The following EDAR variants were observed in gnomAD, a reference collection of about 807,000 sequenced individuals.
EDAR encodes ectodysplasin A receptor.
Under a neutral mutation model 51.3 loss-of-function variants are expected in EDAR, and 38 were observed. The ratio of observed to expected loss-of-function variants is 0.74; its 90% confidence interval spans 0.57 to 0.97. EDAR has a LOEUF of 0.97. EDAR is among the 50% of genes least tolerant of loss of function. The pLI is 0.00. For synonymous variants in EDAR, 227 were observed against 242.1 expected, an observed-to-expected ratio of 0.94 and a Z score of 0.58; for missense variants, 528 against 595.0, an observed-to-expected ratio of 0.89 and a Z score of 1.17.
intron 1 of EDAR, among the ~76,000 whole-genome samples, chr2:108,941,398 A>G (rs937642178): frequency 3.3e-5 from 5 of 152,084 alleles, no homozygotes; most frequent in African/African-American, 1.2e-4. Flanking sequence ...GCCAGAGGAG[A>G]GTCCTGGTAG....
chr2:108,912,669 C>T lies in EDAR; in HGVS notation c.529+9G>A. ...CTCCAGGTGATCGATACCTGAGCAC[C>T]CTCCTCACCTTTGTGGGCGTGCTGG... On this transcript the variant is annotated intron_variant, in intron 6 of 11. Coordinates refer to ENST00000258443, the MANE Select transcript of EDAR (RefSeq NM_022336.4). 6.3e-7 allele frequency: 1 copy of T among 1,580,728 alleles called. No homozygotes were observed. The highest frequency in any genetic ancestry group is 8.6e-7 in the Non-Finnish European group (1 of 1,162,886).
At chr2:108,910,753 T>C (rs1204293595) in intron 8 of EDAR, 23 bp downstream of exon 8, 6 of 1,611,860 alleles carry the variant, frequency 3.7e-6, no homozygotes, top group Non-Finnish European at 4.2e-6. Flanking sequence ...GCACATGGTG[T>C]GTGGAAGCCC....
In EDAR at chr2:108,907,865, C is replaced by A; in HGVS notation, c.958G>T (p.Ala320Ser). The A allele has an allele frequency of 6.2e-7, 1 of 1,613,542 alleles. No individual in the cohort carries two copies. Among genetic ancestry groups the A allele is most frequent in the Non-Finnish European group, 8.5e-7 (1 of 1,180,016 alleles). Residue 320 changes from alanine to serine, a missense_variant, in exon 10 of 12, where the codon GCC (alanine) becomes TCC (serine). Coordinates refer to ENST00000258443, the MANE Select transcript of EDAR (RefSeq NM_022336.4). The part of the protein sequence containing the change: ...REKSATSNKS[A>S]GIQSRRKKIL... ...GGCACCTGCAGGAGCCTCACCCCGGCTGACTTGTTGCTGGTGGCAGACTTC... is the reference window on the plus strand; with the variant it reads ...GGCACCTGCAGGAGCCTCACCCCGGATGACTTGTTGCTGGTGGCAGACTTC...
chr2:108,896,567 C>A lies in EDAR; in HGVS notation c.*340G>T, dbSNP rs1374994642. 2 of 269,412 alleles carry A rather than the reference C, an allele frequency of 7.4e-6. No homozygotes were observed. The highest frequency in any genetic ancestry group is 1.4e-5 in the Non-Finnish European group (2 of 139,872). The allele number at this position is 269,412 out of a possible 1,614,324, so 16.7% of individuals were successfully genotyped here. ...AAGACAGGGACCAGATTCTTCACTT[C>A]TGTCATTCCCACGGGGTTTGATTCA... On this transcript the variant is annotated 3_prime_UTR_variant, in exon 12 of 12. Coordinates refer to ENST00000258443, the MANE Select transcript of EDAR (RefSeq NM_022336.4).
intron 1 of EDAR, among the ~76,000 whole-genome samples, chr2:108,975,076 G>A (rs1473834415): frequency 6.6e-6 from 1 of 152,198 alleles, no homozygotes; most frequent in African/African-American, 2.4e-5. Flanking sequence ...CTTTTCCACG[G>A]AGCCTAGCCC....
intron 11 of EDAR, among the ~76,000 whole-genome samples, chr2:108,900,890 A>G (rs1235638227): frequency 6.6e-6 from 1 of 152,196 alleles, no homozygotes; most frequent in South Asian, 2.1e-4. Flanking sequence ...GAGCTCCAAA[A>G]TATGTGAAAC....
chr2:108,912,818 A>AG lies in EDAR; in HGVS notation c.443-55_443-54insC. 4.2e-6 allele frequency: 6 copies of AG among 1,430,084 alleles called. No homozygotes were observed. In the South Asian group the frequency reaches 7.3e-5, roughly 17 times the overall value. The allele number at this position is 1,430,084 out of a possible 1,614,324, so 88.6% of individuals were successfully genotyped here. Reference sequence around the variant, plus strand: ...ATCCAGAGAAGCTCCACCTTCAAAGACGCTGCCACAGAGCTCATGGATCTG... The same window carrying AG: ...ATCCAGAGAAGCTCCACCTTCAAAGAGCGCTGCCACAGAGCTCATGGATCTG... On this transcript the variant is annotated intron_variant, in intron 5 of 11. Coordinates refer to ENST00000258443, the MANE Select transcript of EDAR (RefSeq NM_022336.4).
At chr2:108,953,740 A>T (rs1337748822) in intron 1 of EDAR, among the ~76,000 whole-genome samples, 1 of 152,128 alleles carries the variant, frequency 6.6e-6, no homozygotes. Flanking sequence ...GTGGCGATGG[A>T]AACAATAAAG....
At chr2:108,952,679 T>C (rs895518385) in intron 1 of EDAR, among the ~76,000 whole-genome samples, 8 of 152,256 alleles carry the variant, frequency 5.3e-5, no homozygotes, top group African/African-American at 1.9e-4. Context: ...CTTAGTTAAT[T>C]CCAACATCCG....
intron 1 of EDAR, among the ~76,000 whole-genome samples, chr2:108,960,374 G>C (rs1411030847): frequency 6.6e-6 from 1 of 152,200 alleles, no homozygotes; most frequent in Admixed American, 6.5e-5. Flanking sequence ...TTCTCAAGAC[G>C]CTCTTGCTGA....
intron 1 of EDAR, among the ~76,000 whole-genome samples, chr2:108,978,218 CTCA>C (rs1171296152): frequency 6.6e-6 from 1 of 152,174 alleles, no homozygotes; most frequent in African/African-American, 2.4e-5. Flanking sequence ...CTTTTAGGAA[CTCA>C]TCATTGGTCT....
chr2:108,988,615 CA>C (rs1698538709), intron 1 of EDAR, among the ~76,000 whole-genome samples: 1 of 152,148 alleles, frequency 6.6e-6, no homozygotes, highest in Admixed American at 6.5e-5. Flanking sequence ...GAGCCGGGCA[CA>C]GGGGCAAACC....
intron 1 of EDAR, among the ~76,000 whole-genome samples, chr2:108,955,518 T>C (rs1396223573): frequency 2.0e-5 from 3 of 151,532 alleles, no homozygotes; most frequent in South Asian, 4.2e-4. Flanking sequence ...GAGGCCGTGG[T>C]GGGCAGATCA....
chr2:108,921,553 T>C (rs1475190663), intron 5 of EDAR, among the ~76,000 whole-genome samples: 1 of 152,198 alleles, frequency 6.6e-6, no homozygotes, highest in South Asian at 2.1e-4. Context: ...GGGCTCCTGA[T>C]GAAATGTTTG....
intron 1 of EDAR, among the ~76,000 whole-genome samples, chr2:108,961,598 TA>T (rs1032408475): frequency 2.6e-5 from 4 of 152,214 alleles, no homozygotes; most frequent in African/African-American, 7.2e-5. Context: ...ACATTTACAT[TA>T]AAAAAGCACT....
chr2:108,982,047 G>A (rs1339420294), intron 1 of EDAR, among the ~76,000 whole-genome samples: 4 of 152,248 alleles, frequency 2.6e-5, no homozygotes, highest in African/African-American at 9.6e-5. Flanking sequence ...AGGGACAGAT[G>A]TTTAACGGCT....
chr2:108,924,476 G>A (rs1196365458), intron 4 of EDAR, among the ~76,000 whole-genome samples: 4 of 152,198 alleles, frequency 2.6e-5, no homozygotes, highest in East Asian at 3.9e-4. Flanking sequence ...TAACGTGAGC[G>A]GTGCCAACAC....
intron 4 of EDAR, among the ~76,000 whole-genome samples, chr2:108,924,413 A>G (rs934872651): frequency 6.6e-6 from 1 of 152,174 alleles, no homozygotes; most frequent in African/African-American, 2.4e-5. Context: ...CCATAAACAA[A>G]TGCTCAGCGG....
intron 5 of EDAR, among the ~76,000 whole-genome samples, chr2:108,922,911 C>T (rs1574380827): frequency 6.6e-6 from 1 of 152,324 alleles, no homozygotes; most frequent in East Asian, 1.9e-4. Flanking sequence ...AGACTGTTTA[C>T]ATGTGCTTTG....
Sources: allele counts gnomAD v4.1 joint callset (sites outside exome capture counted in the v4.1 genomes callset), GRCh38; gene constraint gnomAD v4.1.1; transcripts MANE v1.5; gene names NCBI Gene and HGNC (gene_info 2026-07-23, HGNC 2026-07-21).